KLF7: variants seen among roughly 807,000 people sequenced by gnomAD.
KLF7 encodes the protein KLF transcription factor 7, also known as Krueppel-like factor 7.
In KLF7, 2 loss-of-function variants were observed where a neutral mutation model predicts 27.3. The ratio of observed to expected loss-of-function variants is 0.07; its 90% CI spans 0.03 to 0.23. The LOEUF is 0.23. Ranked by LOEUF, KLF7 falls within the 10% of genes least tolerant of loss-of-function variation. The pLI, the probability that KLF7 is intolerant of heterozygous loss-of-function variation, is 1.00. For missense variants in KLF7, 221 were observed against 394.1 expected, an observed-to-expected ratio of 0.56 and a Z score of 3.72; for synonymous variants, 165 against 162.4, an observed-to-expected ratio of 1.02 and a Z score of -0.12.
rs1196429118 is a variant in KLF7, at chr2:207,074,373, C to T, written c.*6840G>A. On this transcript the variant is annotated 3_prime_UTR_variant, in exon 4 of 4. Transcript: ENST00000309446. The stretch of plus-strand genomic sequence containing the variant: ...CGACACCACCAGCTGGGTTCTCTAC[C>T]TTCCTCCTTACTGGTGATGCTCTTT... 1 of 152,232 alleles carries T rather than the reference C, an allele frequency of 6.6e-6. No individual in the cohort carries two copies. Among genetic ancestry groups the T allele is most frequent in the Non-Finnish European group, 1.5e-5 (1 of 68,100 alleles). The allele number at this position is 152,232 out of a possible 1,614,324, so 9.4% of individuals were successfully genotyped here. A position where few individuals can be genotyped will look rare whatever the true frequency, so the allele number is the denominator to read the frequency against.
chr2:207,077,642 A>T lies in KLF7; in HGVS notation c.*3571T>A, dbSNP rs552543402. On this transcript the variant is annotated 3_prime_UTR_variant, in exon 4 of 4. Coordinates refer to ENST00000309446, the MANE Select transcript of KLF7 (RefSeq NM_003709.4). The stretch of plus-strand genomic sequence containing the variant: ...AATCTGAACATCTCTTTTTCTGGAC[A>T]TAATACTCATTACCACCAGGCATTG... 1 of 152,342 alleles carries T rather than the reference A, an allele frequency of 6.6e-6. No homozygotes were observed. The highest frequency in any genetic ancestry group is 2.4e-5 in the African/African-American group (1 of 41,576). 9.4% of individuals were successfully genotyped at this position (152,342 alleles called of 1,614,324 possible).
intron 2 of KLF7, among the ~76,000 whole-genome samples, chr2:207,106,522 T>C (rs1453859614): frequency 6.6e-6 from 1 of 152,160 alleles, no homozygotes; most frequent in Non-Finnish European, 1.5e-5. Flanking sequence ...GCTGAGTGGA[T>C]GGGCCATTCA....
chr2:207,163,649 G>GTTCTAACAAATAAAGCCAACTTTC (rs2078613487), intron 1 of KLF7, among the ~76,000 whole-genome samples: 1 of 152,164 alleles, frequency 6.6e-6, no homozygotes, highest in South Asian at 2.1e-4. Flanking sequence ...AGTAGGGAAC[G>GTTCTAACAAATAAAGCCAACTTTC]TTCTAACAAA....
At chr2:207,144,873 C>G (rs773202699) in intron 1 of KLF7, among the ~76,000 whole-genome samples, 11 of 152,194 alleles carry the variant, frequency 7.2e-5, no homozygotes, top group Non-Finnish European at 8.8e-5. Flanking sequence ...TTAAGTACCC[C>G]CTGTTGCACA....
At chr2:207,154,162 T>G (rs2078318398) in intron 1 of KLF7, among the ~76,000 whole-genome samples, 1 of 152,084 alleles carries the variant, frequency 6.6e-6, no homozygotes, top group South Asian at 2.1e-4. Context: ...GAAATAAAAA[T>G]CCGATCTGAG....
At chr2:207,108,243 G>A (rs1311438189) in intron 2 of KLF7, among the ~76,000 whole-genome samples, 2 of 152,170 alleles carry the variant, frequency 1.3e-5, no homozygotes, top group Non-Finnish European at 2.9e-5. Context: ...ATGAGAGGGG[G>A]GAGAAAGATA....
chr2:207,123,684 C>T (rs2077399450), intron 2 of KLF7, 90 bp downstream of exon 2: 1 of 1,397,268 alleles, frequency 7.2e-7, no homozygotes, highest in African/African-American at 1.4e-5. Flanking sequence ...AGCAGGGGTG[C>T]CACTCCTCAG....
At chr2:207,165,954 C>T (rs1400323236), upstream of KLF7, 2 of 1,031,720 alleles carry the variant, frequency 1.9e-6, no homozygotes, top group Non-Finnish European at 1.2e-6. Context: ...CTGTTCGCTC[C>T]TAATGCAATC....
chr2:207,131,391 C>G (rs1180648536), intron 1 of KLF7, among the ~76,000 whole-genome samples: 1 of 152,316 alleles, frequency 6.6e-6, no homozygotes, highest in Non-Finnish European at 1.5e-5. Flanking sequence ...GAAACAAACC[C>G]CTTGCCTTTC....
chr2:207,161,615 C>T (rs752958435), intron 1 of KLF7, among the ~76,000 whole-genome samples: 24 of 152,216 alleles, frequency 1.6e-4, no homozygotes, highest in Non-Finnish European at 2.8e-4. Flanking sequence ...ATGTGGCTCA[C>T]AGACCAAATC....
intron 2 of KLF7, among the ~76,000 whole-genome samples, chr2:207,107,943 A>G (rs971983092): frequency 1.3e-5 from 2 of 152,248 alleles, no homozygotes; most frequent in African/African-American, 4.8e-5. Flanking sequence ...ACGCCTCAAT[A>G]GAGCAAAAGC....
chr2:207,125,409 T>G (rs1439311166), intron 1 of KLF7, among the ~76,000 whole-genome samples: 1 of 152,206 alleles, frequency 6.6e-6, no homozygotes, highest in Non-Finnish European at 1.5e-5. Flanking sequence ...ACTTGCACTA[T>G]CAGCTCAATT....
chr2:207,091,945 G>T (rs1326578138), intron 2 of KLF7, among the ~76,000 whole-genome samples: 4 of 152,110 alleles, frequency 2.6e-5, no homozygotes, highest in Non-Finnish European at 5.9e-5. Context: ...TTTCATCAAA[G>T]GCTGAATTTC....
intron 2 of KLF7, chr2:207,121,718 G>C (rs2077345701): frequency 6.6e-6 from 1 of 152,126 alleles, no homozygotes; most frequent in Admixed American, 6.5e-5. Flanking sequence ...AACATAATGA[G>C]CTCCACCTTG....
intron 2 of KLF7, among the ~76,000 whole-genome samples, chr2:207,116,228 T>C (rs1274566636): frequency 6.6e-6 from 1 of 152,214 alleles, no homozygotes; most frequent in East Asian, 1.9e-4. Context: ...TCAGAACTAA[T>C]TTCCTTATAT....
chr2:207,114,793 T>C (rs2077134221), intron 2 of KLF7, among the ~76,000 whole-genome samples: 1 of 152,238 alleles, frequency 6.6e-6, no homozygotes, highest in South Asian at 2.1e-4. Flanking sequence ...GTCAAGTTCT[T>C]TCTCAGCTAA....
intron 1 of KLF7, among the ~76,000 whole-genome samples, chr2:207,157,976 A>G: frequency 6.6e-6 from 1 of 152,186 alleles, no homozygotes; most frequent in East Asian, 1.9e-4. Flanking sequence ...AAGTGATGGT[A>G]GAACAACCCC....
At chr2:207,121,209 A>G (rs1574496348) in intron 2 of KLF7, among the ~76,000 whole-genome samples, 1 of 152,314 alleles carries the variant, frequency 6.6e-6, no homozygotes, top group East Asian at 1.9e-4. Flanking sequence ...CACAGGTGTC[A>G]TCACCCCACA....
At chr2:207,120,204 C>T (rs945286396) in intron 2 of KLF7, among the ~76,000 whole-genome samples, 1 of 152,128 alleles carries the variant, frequency 6.6e-6, no homozygotes, top group African/African-American at 2.4e-5. Context: ...ACCTCATTGC[C>T]TAATATCCTC....
Sources: allele counts gnomAD v4.1 joint callset (sites outside exome capture counted in the v4.1 genomes callset), GRCh38; gene constraint gnomAD v4.1.1; transcripts MANE v1.5; gene names NCBI Gene and HGNC (gene_info 2026-07-23, HGNC 2026-07-21).